The following SMYD3 variants were observed in gnomAD, a reference collection of about 807,000 sequenced individuals.
SMYD3 encodes the protein histone-lysine N-methyltransferase SMYD3.
In SMYD3, 36 loss-of-function variants were observed where a neutral mutation model predicts 57.7. That is an observed-to-expected ratio of 0.62 (90% CI 0.48 to 0.82). The LOEUF (loss-of-function observed/expected upper bound fraction) is 0.82, where lower values mean the gene tolerates loss of function less well. Ranked by LOEUF, SMYD3 falls within the 40% of genes least tolerant of loss-of-function variation. SMYD3 has a pLI of 0.00. For synonymous variants in SMYD3, 211 were observed against 195.0 expected (o/e 1.08, Z -0.68); for missense variants, 515 against 538.8 (o/e 0.96, Z 0.44).
intron 5 of SMYD3, among the ~76,000 whole-genome samples, chr1:246,299,873 CGACTACTGGGTACTAGGCTGAAAAAT>C: frequency 6.7e-6 from 1 of 149,074 alleles, no homozygotes; most frequent in African/African-American, 2.5e-5. Flanking sequence ...TCAGGAAAAA[CGACTACTGGGTACTAGGCTGAAAAAT>C]GACTACTAGG....
In SMYD3 at chr1:246,463,631, C is replaced by G. The variant is rs193266914; in HGVS notation, c.164+43423G>C. Among the ~76,000 whole-genome samples, 1,131 of 120,806 alleles carry G rather than the reference C, an allele frequency of 9.4e-3. 23 individuals carry two copies. The highest frequency in any genetic ancestry group is 0.032 in the African/African-American group (1,003 of 30,988). The allele number at this position is 120,806 out of a possible 152,430, so 79.3% of individuals were successfully genotyped here. A position where few individuals can be genotyped will look rare whatever the true frequency, so the allele number is the denominator to read the frequency against. ...AGGAGATGGAGACCATCGTGGCTAA[C>G]ACGGTGAAACCCCATCTCTACTAAA... On this transcript the variant is annotated intron_variant, in intron 1 of 11. Coordinates refer to ENST00000490107, the MANE Select transcript of SMYD3 (RefSeq NM_001167740.2).
chr1:245,986,097 C>T (rs12122288), intron 5 of SMYD3, among the ~76,000 whole-genome samples: 2,309 of 152,286 alleles, frequency 0.015, 42 homozygotes, highest in Admixed American at 0.033. Flanking sequence ...ATTTTAGGAT[C>T]GTTTTTAGCG....
rs138962726 is a variant in SMYD3, at chr1:246,315,447, A to T, written c.531+11754T>A. Reference sequence around the variant, plus strand: ...TCAATAGAGAGGGCGAGGGAAGATAAACTACACCCTTCCATGATGCACCAG... The same window carrying T: ...TCAATAGAGAGGGCGAGGGAAGATATACTACACCCTTCCATGATGCACCAG... On this transcript the variant is annotated intron_variant, in intron 5 of 11. Transcript: ENST00000490107. Among the ~76,000 whole-genome samples, 235 of 152,318 alleles carry T rather than the reference A, an allele frequency of 1.5e-3. 1 individual carries two copies. The highest frequency in any genetic ancestry group is 2.6e-3 in the Non-Finnish European group (178 of 68,030).
rs188628838 is a variant in SMYD3, at chr1:246,502,996, G to A, written c.164+4058C>T. On this transcript the variant is annotated intron_variant, in intron 1 of 11. Transcript: ENST00000490107. ...TCTACCACTGCTGTGCTATAGGCCC[G>A]TGTTGGCCTATCACTAACCTGCATA... Among the ~76,000 whole-genome samples, 322 of 152,214 alleles carry A rather than the reference G, an allele frequency of 2.1e-3. 1 individual carries two copies. The highest frequency in any genetic ancestry group is 3.5e-3 in the Non-Finnish European group (237 of 68,008).
chr1:246,495,764 A>G (rs1302723334), intron 1 of SMYD3, among the ~76,000 whole-genome samples: 1 of 150,918 alleles, frequency 6.6e-6, no homozygotes, highest in Non-Finnish European at 1.5e-5. Flanking sequence ...AAATGGCAAA[A>G]CCCCATCTCT....
At chr1:245,914,905 A>G (rs936442539) in intron 8 of SMYD3, among the ~76,000 whole-genome samples, 4 of 152,206 alleles carry the variant, frequency 2.6e-5, no homozygotes, top group African/African-American at 9.7e-5. Context: ...GGAAAAAACT[A>G]TAAGGATAAA....
chr1:246,072,274 C>G (rs2060467515), intron 5 of SMYD3, among the ~76,000 whole-genome samples: 1 of 142,698 alleles, frequency 7.0e-6, no homozygotes, highest in Non-Finnish European at 1.6e-5. Context: ...TTCCACTGTG[C>G]TCACTGTGGA....
At position 246,114,670 on chromosome 1, in the gene SMYD3, C is replaced by T. The variant is rs572648192; in HGVS notation, c.532-184733G>A. Among the ~76,000 whole-genome samples the T allele has an allele frequency of 4.6e-5, 7 of 152,260 alleles. No individual in the cohort carries two copies. The South Asian group carries it at 1.5e-3, about 32-fold the overall frequency. Reference sequence around the variant, plus strand: ...GTTTCGAGATGAAGTTTCACTCTGTCGCCAGGCTGGAGTGCTGTGGTGTGA... The same window carrying T: ...GTTTCGAGATGAAGTTTCACTCTGTTGCCAGGCTGGAGTGCTGTGGTGTGA... On this transcript the variant is annotated intron_variant, in intron 5 of 11. Transcript: ENST00000490107.
chr1:246,378,752 T>A (rs1572439618), intron 1 of SMYD3, among the ~76,000 whole-genome samples: 1 of 113,248 alleles, frequency 8.8e-6, no homozygotes, highest in Non-Finnish European at 1.7e-5. Context: ...TTATATATAA[T>A]ATATTTAATA....
At chr1:245,952,913 G>C (rs1027961079) in intron 5 of SMYD3, among the ~76,000 whole-genome samples, 4 of 152,088 alleles carry the variant, frequency 2.6e-5, no homozygotes, top group Admixed American at 6.6e-5. Context: ...CTTGTGCAGG[G>C]GATAGTCTGT....
chr1:245,839,605 C>T (rs146525497), intron 10 of SMYD3, among the ~76,000 whole-genome samples: 56 of 151,868 alleles, frequency 3.7e-4, no homozygotes, highest in Admixed American at 5.9e-4. Context: ...TAAAATGTTC[C>T]GAAATTGATT....
intron 5 of SMYD3, among the ~76,000 whole-genome samples, chr1:245,940,062 C>T (rs748935683): frequency 1.2e-4 from 18 of 152,134 alleles, no homozygotes; most frequent in Non-Finnish European, 1.9e-4. Flanking sequence ...GGTCACAGAT[C>T]CATCCCTCCT....
chr1:246,296,210 A>G (rs915096138), intron 5 of SMYD3, among the ~76,000 whole-genome samples: 5 of 152,220 alleles, frequency 3.3e-5, no homozygotes, highest in Admixed American at 6.5e-5. Flanking sequence ...AGTCACGCCC[A>G]TGAAAATCAC....
At chr1:245,829,903 T>G (rs2049735916) in intron 10 of SMYD3, among the ~76,000 whole-genome samples, 1 of 152,122 alleles carries the variant, frequency 6.6e-6, no homozygotes, top group South Asian at 2.1e-4. Context: ...TTATATAAAC[T>G]GTCTAGAATA....
chr1:246,051,137 T>TG (rs2060061020), intron 5 of SMYD3, among the ~76,000 whole-genome samples: 1 of 150,628 alleles, frequency 6.6e-6, no homozygotes, highest in Admixed American at 6.6e-5. Context: ...TTACTCCTTT[T>TG]TTTTTTTTTT....
intron 2 of SMYD3, among the ~76,000 whole-genome samples, chr1:246,341,177 C>G (rs1311621028): frequency 6.6e-6 from 1 of 152,008 alleles, no homozygotes; most frequent in Non-Finnish European, 1.5e-5. Context: ...TGTGTAGTAA[C>G]TGAGAATCAG....
At chr1:246,327,089 A>C in intron 5 of SMYD3, 112 bp downstream of exon 5, 8 of 1,287,858 alleles carry the variant, frequency 6.2e-6, no homozygotes, top group Non-Finnish European at 9.0e-6. Context: ...AATATAAGGC[A>C]TTAAGGGTCT....
At chr1:245,911,755 G>C (rs2147755609) in intron 8 of SMYD3, among the ~76,000 whole-genome samples, 1 of 152,138 alleles carries the variant, frequency 6.6e-6, no homozygotes, top group South Asian at 2.1e-4. Flanking sequence ...GAGGGATTAA[G>C]AGGGGTTGGT....
At chr1:246,108,506 T>A (rs1187037646) in intron 5 of SMYD3, 1 of 152,300 alleles carries the variant, frequency 6.6e-6, no homozygotes, top group East Asian at 1.9e-4. Flanking sequence ...GGTGGACTAT[T>A]TAAATATCAT....
Sources: allele counts gnomAD v4.1 joint callset (sites outside exome capture counted in the v4.1 genomes callset), GRCh38; gene constraint gnomAD v4.1.1; transcripts MANE v1.5; gene names NCBI Gene and HGNC (gene_info 2026-07-23, HGNC 2026-07-21).